SLC6A18: variants seen among roughly 807,000 people sequenced by gnomAD.
SLC6A18 encodes solute carrier family 6 member 18.
Under a neutral mutation model 62.9 loss-of-function variants are expected in SLC6A18, and 58 were observed. That is an observed-to-expected ratio of 0.92 (90% CI 0.75 to 1.15). SLC6A18 has a LOEUF of 1.15. Ranked by LOEUF, SLC6A18 falls within the 50% of genes most tolerant of loss-of-function variation. The pLI is 0.00. For missense variants in SLC6A18, 793 were observed against 836.6 expected, an observed-to-expected ratio of 0.95 and a Z score of 0.64; for synonymous variants, 382 against 365.8, an observed-to-expected ratio of 1.04 and a Z score of -0.51.
At chr5:1,239,091 C>T (rs574915234) in intron 5 of SLC6A18, among the ~76,000 whole-genome samples, 57 of 152,372 alleles carry the variant, frequency 3.7e-4, no homozygotes, top group African/African-American at 1.3e-3. Context: ...TCCCTGCCCT[C>T]GGGGCTTCAA....
Position 1,232,820 on chromosome 5 carries a change from G to A in SLC6A18, c.371G>A (p.Trp124Ter). The change falls in exon 3 of 12, where the codon TGG (tryptophan) becomes TAG (stop). Residue 124 changes from tryptophan to a stop codon, truncating the protein, a stop_gained. Coordinates refer to ENST00000324642, the MANE Select transcript of SLC6A18 (RefSeq NM_182632.3). LOFTEE classifies it high-confidence loss of function. ...YYNTIVAWVL[W>*]YLLNSFQHPL... is the part of the protein sequence containing the mutation. ...AACACCATCGTGGCGTGGGTGCTGTGGTACCTCCTCAACTCCTTCCAGCAC... is the reference window on the plus strand; with the variant it reads ...AACACCATCGTGGCGTGGGTGCTGTAGTACCTCCTCAACTCCTTCCAGCAC... The A allele has an allele frequency of 1.2e-6, 2 of 1,613,436 alleles. No homozygotes were observed. The highest frequency in any genetic ancestry group is 2.2e-5 in the East Asian group (1 of 44,872).
In SLC6A18 at chr5:1,232,763, T is replaced by G; in HGVS notation, c.314T>G (p.Val105Gly). The stretch of plus-strand genomic sequence containing the variant: ...TCCCTGTCCACAGGGCTGGGCTGTG[T>G]CACGCTGTCCTTCCTGATCAGCCTG... Reference protein sequence around the residue: ...PYLSGVGLGCVTLSFLISLYY... With the variant: ...PYLSGVGLGCGTLSFLISLYY... The change falls in exon 3 of 12, where the codon GTC (valine) becomes GGC (glycine). Residue 105 changes from valine (V) to glycine (G), a missense_variant. Transcript: ENST00000324642. 1 of 1,613,088 alleles carries G rather than the reference T, an allele frequency of 6.2e-7. No individual in the cohort carries two copies. The highest frequency in any genetic ancestry group is 8.5e-7 in the Non-Finnish European group (1 of 1,179,740).
intron 4 of SLC6A18, among the ~76,000 whole-genome samples, chr5:1,236,293 TG>T (rs1480194044): frequency 6.6e-6 from 1 of 152,222 alleles, no homozygotes; most frequent in Admixed American, 6.5e-5. Flanking sequence ...TAAGTGATCT[TG>T]GGGCATTCTA....
In SLC6A18 at chr5:1,242,811, G is replaced by A; in HGVS notation, c.1079G>A (p.Arg360Lys). The A allele has an allele frequency of 6.2e-7, 1 of 1,613,836 alleles. No individual in the cohort carries two copies. The highest frequency in any genetic ancestry group is 2.2e-5 in the East Asian group (1 of 44,876). Residue 360 changes from arginine to lysine, a missense_variant, in exon 8 of 12, where the codon AGG becomes AAG. Coordinates refer to ENST00000324642, the MANE Select transcript of SLC6A18 (RefSeq NM_182632.3). ...CACCTGAACGCCACCTGGCCCAAGA[G>A]GGTGGCCCAGCTCCCCCTGAAGGCC... ...LMHLNATWPKRVAQLPLKACL... is the reference protein window; with the variant it reads ...LMHLNATWPKKVAQLPLKACL...
chr5:1,234,297 G>T (rs564105502), intron 3 of SLC6A18, among the ~76,000 whole-genome samples: 1 of 152,190 alleles, frequency 6.6e-6, no homozygotes, highest in Non-Finnish European at 1.5e-5. Context: ...CCTCAGGGAC[G>T]AACACTGAGT....
At chr5:1,232,995 G>A in intron 3 of SLC6A18, 107 bp downstream of exon 3, 1 of 1,475,310 alleles carries the variant, frequency 6.8e-7, no homozygotes, top group Non-Finnish European at 9.0e-7. Flanking sequence ...GCTCACCGCG[G>A]GGGGAGGGCC....
intron 1 of SLC6A18, 95 bp downstream of exon 1, chr5:1,225,732 T>A (rs1000444941): frequency 4.4e-5 from 62 of 1,417,488 alleles, no homozygotes; most frequent in Non-Finnish European, 5.1e-5. Context: ...CCCCAGTGCT[T>A]GGGCAGAGTC....
In SLC6A18 at chr5:1,239,468, C is replaced by T. The variant is rs755316271; in HGVS notation, c.751C>T (p.Pro251Ser). The T allele has an allele frequency of 1.9e-6, 3 of 1,614,064 alleles. No homozygotes were observed. The highest frequency in any genetic ancestry group is 2.2e-5 in the East Asian group (1 of 44,888). The stretch of plus-strand genomic sequence containing the variant: ...ATTCCAGATGCACATTCTCCAGAAC[C>T]CCCGGGTGTGGCTGGACGCAGCCAC... The part of the protein sequence containing the change: ...FTPNMHILQN[P>S]RVWLDAATQI... The change falls in exon 6 of 12, where the codon CCC becomes TCC. Residue 251 changes from proline to serine, a missense_variant. Coordinates refer to ENST00000324642, the MANE Select transcript of SLC6A18 (RefSeq NM_182632.3).
In SLC6A18 at chr5:1,241,081, C is replaced by T. The variant is rs558527529; in HGVS notation, c.974+422C>T. On this transcript the variant is annotated intron_variant, in intron 7 of 11. Coordinates refer to ENST00000324642, the MANE Select transcript of SLC6A18 (RefSeq NM_182632.3). The surrounding 1 kb of genome is among the most constrained non-coding windows in gnomAD (Gnocchi z 7.8). ...GCTCAGGAGGGGCGCGGCCTGGCCA[C>T]ACTGGGATTTCAGATGTCACAGTAC... is the stretch of plus-strand genomic sequence containing the variant. Among the ~76,000 whole-genome samples, 7 of 152,278 alleles carry T rather than the reference C, an allele frequency of 4.6e-5. No individual in the cohort carries two copies.
Position 1,244,588 on chromosome 5 carries a change from G to C in SLC6A18, c.1497-20G>C, listed in dbSNP as rs779402872. ...ACCTTCCACAGACCATGTGAAGCCT[G>C]AGCCCAGCATCTGGTGCAGGTTCTG... On this transcript the variant is annotated intron_variant, in intron 10 of 11. Coordinates refer to ENST00000324642, the MANE Select transcript of SLC6A18 (RefSeq NM_182632.3). 6.3e-7 allele frequency: 1 copy of C among 1,578,796 alleles called. No homozygotes were observed. The highest frequency in any genetic ancestry group is 8.6e-7 in the Non-Finnish European group (1 of 1,158,648).
chr5:1,230,727 G>A (rs1348402906), intron 1 of SLC6A18, among the ~76,000 whole-genome samples: 1 of 152,204 alleles, frequency 6.6e-6, no homozygotes, highest in Non-Finnish European at 1.5e-5. Context: ...GCCAGGCGCG[G>A]AGACGCACGG....
rs1277591052 is a variant in SLC6A18 at position 1,241,982 on chromosome 5, G to T, written c.975-725G>T. Among the ~76,000 whole-genome samples, 4 of 150,348 alleles carry T rather than the reference G, an allele frequency of 2.7e-5. No homozygotes were observed. The highest frequency in any genetic ancestry group is 5.9e-5 in the Non-Finnish European group (4 of 67,912). Reference sequence around the variant, plus strand: ...TAGGAATAGCTGGAGCCCCAAAAAGGTGTTTGCTGGTATCCATGTGTCCCG... The same window carrying T: ...TAGGAATAGCTGGAGCCCCAAAAAGTTGTTTGCTGGTATCCATGTGTCCCG... On this transcript the variant is annotated intron_variant, in intron 7 of 11. Transcript: ENST00000324642. The surrounding 1 kb of genome is among the most constrained non-coding windows in gnomAD (Gnocchi z 7.8).
At chr5:1,226,044 G>T (rs1561172827) in intron 1 of SLC6A18, among the ~76,000 whole-genome samples, 3 of 152,228 alleles carry the variant, frequency 2.0e-5, no homozygotes, top group African/African-American at 7.2e-5. Flanking sequence ...CCACAGCCTT[G>T]GTGTGTCCAG....
intron 1 of SLC6A18, 58 bp from the exon 2 acceptor site, chr5:1,232,161 G>A (rs1312360204): frequency 1.4e-5 from 22 of 1,523,580 alleles, no homozygotes; most frequent in Non-Finnish European, 1.9e-5. Flanking sequence ...CCTGGCCCAC[G>A]CCACAGTCCC....
At chr5:1,230,792 G>T (rs1746712405) in intron 1 of SLC6A18, among the ~76,000 whole-genome samples, 3 of 152,206 alleles carry the variant, frequency 2.0e-5, no homozygotes, top group African/African-American at 7.2e-5. Flanking sequence ...TAGGGCAGAA[G>T]GCCTGAGGTC....
chr5:1,240,791 G>A, intron 7 of SLC6A18, 132 bp downstream of exon 7: 1 of 1,298,410 alleles, frequency 7.7e-7, no homozygotes, highest in Admixed American at 2.4e-5. Context: ...GGAGTGAATG[G>A]TGTCCCCAGA....
At chr5:1,245,215 T>G (rs1171390129) in intron 11 of SLC6A18, among the ~76,000 whole-genome samples, 2 of 152,030 alleles carry the variant, frequency 1.3e-5, no homozygotes, top group Non-Finnish European at 2.9e-5. Context: ...GTGGGTCAGT[T>G]TGGCTGGAGG....
At position 1,239,375 on chromosome 5, in the gene SLC6A18, C is replaced by T. The variant is rs575155405; in HGVS notation, c.733-75C>T. 126 of 1,128,988 alleles carry T rather than the reference C, an allele frequency of 1.1e-4. 1 individual carries two copies. The African/African-American group carries it at 1.4e-3, about 12-fold the overall frequency. 69.9% of individuals were successfully genotyped at this position (1,128,988 alleles called of 1,614,324 possible). On this transcript the variant is annotated intron_variant, in intron 5 of 11. Coordinates refer to ENST00000324642, the MANE Select transcript of SLC6A18 (RefSeq NM_182632.3). ...AGTGTCCCCAAAGCCACCTTGGGAA[C>T]GTTCTGGAACAGTCAGGGCCACCAG...
intron 5 of SLC6A18, among the ~76,000 whole-genome samples, chr5:1,238,388 AAAGAGGTCAGGTTT>A (rs1746952713): frequency 4.1e-5 from 3 of 74,010 alleles, no homozygotes; most frequent in Non-Finnish European, 6.8e-5. Context: ...GGGCCTCAGG[AAAGAGGTCAGGTTT>A]GGAGTGGGCC....
Sources: allele counts gnomAD v4.1 joint callset (sites outside exome capture counted in the v4.1 genomes callset), GRCh38; gene constraint gnomAD v4.1.1; non-coding constraint Gnocchi (gnomAD v3.1); transcripts MANE v1.5; gene names NCBI Gene and HGNC (gene_info 2026-07-23, HGNC 2026-07-21).